The following TMEM135 variants were observed in gnomAD, a reference collection of about 807,000 sequenced individuals.
TMEM135 encodes peroxisomal membrane protein 52.
TMEM135 carries 30 observed loss-of-function variants against 60.3 expected under a neutral mutation model. That is an observed-to-expected ratio of 0.50 (90% CI 0.37 to 0.68). TMEM135 has a LOEUF of 0.68. Ranked by LOEUF, TMEM135 falls within the 30% of genes least tolerant of loss-of-function variation. The pLI is 0.00. For missense variants in TMEM135, 468 were observed against 548.8 expected, an observed-to-expected ratio of 0.85 and a Z score of 1.47; for synonymous variants, 190 against 186.7, an observed-to-expected ratio of 1.02 and a Z score of -0.14.
At chr11:87,180,353 T>C (rs2135302067) in intron 5 of TMEM135, among the ~76,000 whole-genome samples, 1 of 152,292 alleles carries the variant, frequency 6.6e-6, no homozygotes, top group East Asian at 1.9e-4. Context: ...TTTTGCTTTT[T>C]TCCCCCCTTT....
intron 4 of TMEM135, among the ~76,000 whole-genome samples, chr11:87,131,631 GAAT>G (rs138151331): frequency 0.063 from 9,581 of 152,232 alleles, 396 homozygotes; most frequent in South Asian, 0.12. Flanking sequence ...TTTGGACATA[GAAT>G]ACCTGATTTG....
intron 5 of TMEM135, among the ~76,000 whole-genome samples, chr11:87,191,222 A>G (rs556547085): frequency 1.2e-4 from 18 of 150,336 alleles, no homozygotes; most frequent in Non-Finnish European, 1.9e-4. Flanking sequence ...ATCAGAAGTC[A>G]CACACCCTTA....
At chr11:87,188,238 T>A (rs964440827) in intron 5 of TMEM135, among the ~76,000 whole-genome samples, 1 of 152,148 alleles carries the variant, frequency 6.6e-6, no homozygotes, top group Admixed American at 6.5e-5. Flanking sequence ...TACAGAGGGC[T>A]TTATGATGAA....
chr11:87,283,877 G>T (rs181663981), intron 6 of TMEM135, among the ~76,000 whole-genome samples: 13 of 152,156 alleles, frequency 8.5e-5, no homozygotes, highest in African/African-American at 2.9e-4. Flanking sequence ...AAAAAGAAAA[G>T]AAATTAATGT....
chr11:87,258,676 G>A (rs762232897), intron 6 of TMEM135, among the ~76,000 whole-genome samples: 9 of 152,112 alleles, frequency 5.9e-5, no homozygotes, highest in Non-Finnish European at 1.3e-4. Flanking sequence ...ATAGTGTGGA[G>A]GGCACAGTTG....
intron 5 of TMEM135, among the ~76,000 whole-genome samples, chr11:87,184,748 A>C (rs948338249): frequency 1.3e-5 from 2 of 152,116 alleles, no homozygotes; most frequent in Non-Finnish European, 2.9e-5. Context: ...CTTCTAGCAC[A>C]ATGCCTGGAA....
intron 6 of TMEM135, among the ~76,000 whole-genome samples, chr11:87,279,455 A>G (rs1037950589): frequency 2.0e-5 from 3 of 152,236 alleles, no homozygotes; most frequent in African/African-American, 7.2e-5. Context: ...TAGCAGCAGC[A>G]GTAGTAATAA....
At chr11:87,208,850 A>C (rs780457480) in intron 5 of TMEM135, among the ~76,000 whole-genome samples, 7 of 152,212 alleles carry the variant, frequency 4.6e-5, no homozygotes, top group African/African-American at 7.2e-5. Context: ...GAACCCCATC[A>C]GGCTAACAGT....
At chr11:87,286,566 C>T (rs1942170862) in intron 6 of TMEM135, among the ~76,000 whole-genome samples, 2 of 152,170 alleles carry the variant, frequency 1.3e-5, no homozygotes, top group African/African-American at 4.8e-5. Flanking sequence ...GGCCACAGAG[C>T]AGGGGGCGGC....
chr11:87,218,975 G>A (rs549432896), intron 5 of TMEM135, among the ~76,000 whole-genome samples: 15 of 152,094 alleles, frequency 9.9e-5, no homozygotes, highest in East Asian at 3.9e-4. Context: ...AAACTGTGCC[G>A]TAAAATTTAC....
chr11:87,280,923 G>A (rs1244955990), intron 6 of TMEM135, among the ~76,000 whole-genome samples: 2 of 152,128 alleles, frequency 1.3e-5, no homozygotes, highest in Admixed American at 1.3e-4. Context: ...CCTATCAGCC[G>A]TATCCGCCTT....
intron 4 of TMEM135, among the ~76,000 whole-genome samples, chr11:87,148,245 C>A (rs879599622): frequency 6.6e-6 from 1 of 152,206 alleles, no homozygotes; most frequent in East Asian, 1.9e-4. Context: ...TTATTTTTGA[C>A]CCTTGTTAGT....
chr11:87,202,567 A>G lies in TMEM135; in HGVS notation c.463-34071A>G, dbSNP rs546114482. Among the ~76,000 whole-genome samples the G allele has an allele frequency of 8.5e-5, 13 of 152,226 alleles. 1 individual carries two copies. Among genetic ancestry groups the G allele is most frequent in the Admixed American group, 2.6e-4 (4 of 15,298 alleles). On this transcript the variant is annotated intron_variant, in intron 5 of 14. Coordinates refer to ENST00000305494, the MANE Select transcript of TMEM135 (RefSeq NM_022918.4). ...TCTTTAACTCATAGTTTGCATTTTTATTAACCTGTGCAACTGTTGAGAGAC... is the reference window on the plus strand; with the variant it reads ...TCTTTAACTCATAGTTTGCATTTTTGTTAACCTGTGCAACTGTTGAGAGAC...
intron 5 of TMEM135, among the ~76,000 whole-genome samples, chr11:87,158,990 C>A (rs1264494549): frequency 6.6e-6 from 1 of 151,948 alleles, no homozygotes; most frequent in African/African-American, 2.4e-5. Flanking sequence ...TTGAACTTAT[C>A]TTCTTTTATA....
intron 5 of TMEM135, among the ~76,000 whole-genome samples, chr11:87,226,437 C>T (rs192378377): frequency 5.6e-4 from 85 of 152,228 alleles, no homozygotes; most frequent in African/African-American, 2.0e-3. Flanking sequence ...TATCTGTAAT[C>T]TTTCAAGTAG....
rs1000311193 is a variant in TMEM135 at position 87,116,486 on chromosome 11, T to A, written c.396+25091T>A. On this transcript the variant is annotated intron_variant, in intron 4 of 14. Transcript: ENST00000305494. ...CACTTGAAACTTTTCAGAAACTTAATTGATTCCAGATATTGGAAAATTATA... is the reference window on the plus strand; with the variant it reads ...CACTTGAAACTTTTCAGAAACTTAAATGATTCCAGATATTGGAAAATTATA... 6.6e-5 allele frequency among the ~76,000 whole-genome samples: 10 copies of A among 152,190 alleles called. No individual in the cohort carries two copies. The East Asian group carries it at 7.7e-4, about 12-fold the overall frequency.
In TMEM135 at chr11:87,137,640, CAT is replaced by C. The variant is rs138959853; in HGVS notation, c.397-19699_397-19698del. Among the ~76,000 whole-genome samples the C allele has an allele frequency of 5.3e-3, 805 of 151,678 alleles. 6 individuals are homozygous for C. The highest frequency in any genetic ancestry group is 9.0e-3 in the Non-Finnish European group (613 of 67,962). On this transcript the variant is annotated intron_variant, in intron 4 of 14. Coordinates refer to ENST00000305494, the MANE Select transcript of TMEM135 (RefSeq NM_022918.4). Reference sequence around the variant, plus strand: ...AGAGGGACACTATCTTGTTTTGAAACATAGTTGAAGTATAACTCTAAATCTCA... The same window carrying C: ...AGAGGGACACTATCTTGTTTTGAAACAGTTGAAGTATAACTCTAAATCTCA...
chr11:87,041,453 A>G (rs1949749469), intron 1 of TMEM135, among the ~76,000 whole-genome samples: 1 of 152,162 alleles, frequency 6.6e-6, no homozygotes, highest in Non-Finnish European at 1.5e-5. Context: ...GATTTTTGAG[A>G]AATTGATGCA....
intron 5 of TMEM135, among the ~76,000 whole-genome samples, chr11:87,231,352 A>G (rs1940885830): frequency 6.6e-6 from 1 of 152,178 alleles, no homozygotes; most frequent in Non-Finnish European, 1.5e-5. Context: ...GAATAGGAAT[A>G]CTGTTTTATT....
Sources: allele counts gnomAD v4.1 joint callset (sites outside exome capture counted in the v4.1 genomes callset), GRCh38; gene constraint gnomAD v4.1.1; transcripts MANE v1.5; gene names NCBI Gene and HGNC (gene_info 2026-07-23, HGNC 2026-07-21).